Variants in PRIM1 observed in about 807,000 individuals in gnomAD.
PRIM1 encodes the protein DNA primase subunit 1.
Under a neutral mutation model 60.2 loss-of-function variants are expected in PRIM1, and 38 were observed. The ratio of observed to expected loss-of-function variants is 0.63; its 90% CI spans 0.49 to 0.83. PRIM1 has a LOEUF of 0.83. Ranked by LOEUF, PRIM1 falls within the 40% of genes least tolerant of loss-of-function variation. PRIM1 has a pLI of 0.00. For synonymous variants in PRIM1, 158 were observed against 160.2 expected (o/e 0.99, Z 0.10); for missense variants, 388 against 506.2 (o/e 0.77, Z 2.24).
chr12:56,749,661 G>A (rs929187011), intron 2 of PRIM1, among the ~76,000 whole-genome samples: 7 of 152,160 alleles, frequency 4.6e-5, no homozygotes, highest in South Asian at 2.1e-4. Context: ...GAAACCCTGG[G>A]TTTAAGTGCC....
At chr12:56,749,854 G>C (rs1260756212) in intron 2 of PRIM1, among the ~76,000 whole-genome samples, 1 of 152,178 alleles carries the variant, frequency 6.6e-6, no homozygotes, top group South Asian at 2.1e-4. Context: ...GTATATATTT[G>C]AGAAGGGGAA....
intron 6 of PRIM1, chr12:56,743,407 AC>A (rs1285068835): frequency 1.6e-5 from 3 of 186,334 alleles, no homozygotes; most frequent in Non-Finnish European, 3.3e-5. Context: ...ACACCATAAT[AC>A]ATCAGTAGTA....
intron 5 of PRIM1, among the ~76,000 whole-genome samples, chr12:56,745,239 T>G (rs1953898071): frequency 6.6e-6 from 1 of 151,978 alleles, no homozygotes; most frequent in African/African-American, 2.4e-5. Context: ...TAGTGAGACC[T>G]TGTTTCTGCA....
At chr12:56,739,396 G>T in intron 9 of PRIM1, 33 bp from the exon 10 acceptor site, 1 of 1,419,470 alleles carries the variant, frequency 7.0e-7, no homozygotes, top group Non-Finnish European at 9.6e-7. Context: ...ACTGATGATT[G>T]TGGACTATAA....
intron 9 of PRIM1, 24 bp from the exon 10 acceptor site, chr12:56,739,387 C>G (rs774009859): frequency 2.7e-6 from 4 of 1,473,982 alleles, no homozygotes; most frequent in Non-Finnish European, 3.7e-6. Flanking sequence ...AAGTTATAAA[C>G]TGATGATTGT....
Position 56,734,794 on chromosome 12 carries a change from A to AAT in PRIM1, c.1145-551_1145-550dup, listed in dbSNP as rs71081396. ...CTTTTATATTTATATATATATATAT[A>AAT]ATATATATACATATATTTTCTTTTT... is the stretch of plus-strand genomic sequence containing the variant. On this transcript the variant is annotated intron_variant, in intron 11 of 12. Coordinates refer to ENST00000338193, the MANE Select transcript of PRIM1 (RefSeq NM_000946.3). Among the ~76,000 whole-genome samples the AAT allele has an allele frequency of 2.1e-4, 29 of 141,250 alleles. 1 individual carries two copies. Among genetic ancestry groups the AAT allele is most frequent in the Middle Eastern group, 3.3e-3 (1 of 304 alleles). The allele number at this position is 141,250 out of a possible 152,430, so 92.7% of individuals were successfully genotyped here. A position where few individuals can be genotyped will look rare whatever the true frequency, so the allele number is the denominator to read the frequency against.
At chr12:56,741,646 A>G (rs1592333576) in intron 8 of PRIM1, 70 bp from the exon 9 acceptor site, 2 of 1,578,194 alleles carry the variant, frequency 1.3e-6, no homozygotes, top group African/African-American at 1.4e-5. Flanking sequence ...AGAAAGTTAA[A>G]AAAACGATCT....
chr12:56,733,787 C>CA (rs1249181153), intron 12 of PRIM1, among the ~76,000 whole-genome samples: 1 of 151,582 alleles, frequency 6.6e-6, no homozygotes, highest in African/African-American at 2.4e-5. Flanking sequence ...AACAGGGTTT[C>CA]ACCATGTTGG....
intron 11 of PRIM1, 46 bp from the exon 12 acceptor site, chr12:56,734,291 G>T: frequency 8.2e-7 from 1 of 1,214,332 alleles, no homozygotes; most frequent in South Asian, 1.4e-5. Flanking sequence ...CTGGCAGCAA[G>T]AATAACATGA....
At chr12:56,732,582 CA>C (rs1953791880) in intron 12 of PRIM1, among the ~76,000 whole-genome samples, 2 of 152,102 alleles carry the variant, frequency 1.3e-5, no homozygotes, top group South Asian at 4.1e-4. Flanking sequence ...AAACCAAGCC[CA>C]AACACATAAG....
In PRIM1 at chr12:56,739,289, C is replaced by G. The variant is rs974009203; in HGVS notation, c.1052+5G>C. 2.6e-6 allele frequency: 4 copies of G among 1,549,258 alleles called. No homozygotes were observed. Among genetic ancestry groups the G allele is most frequent in the Middle Eastern group, 3.4e-4 (2 of 5,890 alleles). On this transcript the variant is annotated splice_donor_5th_base_variant and intron_variant, in intron 10 of 12. Coordinates refer to ENST00000338193, the MANE Select transcript of PRIM1 (RefSeq NM_000946.3). ...ACAAGGAGTGATCAATGATCTGAAA[C>G]ATACCTTATGGTCGGAACAGTAAAT...
At chr12:56,746,227 C>T in intron 4 of PRIM1, 46 bp from the exon 5 acceptor site, 1 of 1,569,300 alleles carries the variant, frequency 6.4e-7, no homozygotes, top group South Asian at 1.1e-5. Flanking sequence ...TCTATAAACT[C>T]CTTAATTAAT....
intron 11 of PRIM1, among the ~76,000 whole-genome samples, chr12:56,738,051 A>AG (rs1295142068): frequency 6.6e-6 from 1 of 152,230 alleles, no homozygotes; most frequent in Non-Finnish European, 1.5e-5. Flanking sequence ...TGAATATACA[A>AG]CTTGGTAAAC....
chr12:56,750,398 A>G (rs1953937816), intron 2 of PRIM1, among the ~76,000 whole-genome samples: 1 of 152,164 alleles, frequency 6.6e-6, no homozygotes, highest in African/African-American at 2.4e-5. Flanking sequence ...TGTGAGAAAG[A>G]GAGGAATCAA....
rs1250866693 is a variant in PRIM1 at position 56,743,036 on chromosome 12, A to G, written c.699T>C (p.Ile233=). Residue 233 remains isoleucine, a synonymous_variant, in exon 7 of 13, where the codon ATT becomes ATC. Coordinates refer to ENST00000338193, the MANE Select transcript of PRIM1 (RefSeq NM_000946.3). Reference sequence around the variant, plus strand: ...TATCCCAGCTTTCTTTATTTTCGAGAATATCTTGATTAACCAAGGCATATT... The same window carrying G: ...TATCCCAGCTTTCTTTATTTTCGAGGATATCTTGATTAACCAAGGCATATT... ...FEEYALVNQD[I]LENKESWDKI... 6.5e-7 allele frequency: 1 copy of G among 1,543,088 alleles called. No individual in the cohort carries two copies. The highest frequency in any genetic ancestry group is 1.7e-4 in the Middle Eastern group (1 of 5,892).
In PRIM1 at chr12:56,746,782, C is replaced by T; in HGVS notation, c.441G>A (p.Lys147=). The T allele has an allele frequency of 6.2e-7, 1 of 1,613,760 alleles. No individual in the cohort carries two copies. The highest frequency in any genetic ancestry group is 8.5e-7 in the Non-Finnish European group (1 of 1,179,800). Residue 147 remains lysine, a splice_region_variant and synonymous_variant, in exon 4 of 13, where the codon AAG becomes AAA. Transcript: ENST00000338193. The part of the protein sequence containing the change: ...MAIRIIDRAL[K]EDFGFKHRLW... ...CATTCAGAAACTGCTGATACTTGCC[C>T]TTCAATGCTCTGTCAATGATGCGTA... is the stretch of plus-strand genomic sequence containing the variant.
chr12:56,741,299 T>G, intron 9 of PRIM1, 136 bp downstream of exon 9: 2 of 935,622 alleles, frequency 2.1e-6, no homozygotes, highest in East Asian at 5.5e-5. Context: ...TTAACTGACT[T>G]AGGTATTGGG....
intron 9 of PRIM1, among the ~76,000 whole-genome samples, chr12:56,740,471 T>A (rs1294879525): frequency 6.6e-6 from 1 of 152,080 alleles, no homozygotes; most frequent in Non-Finnish European, 1.5e-5. Flanking sequence ...ATATAGAATT[T>A]AACACATCTC....
At chr12:56,738,794 C>A (rs778637411) in intron 10 of PRIM1, among the ~76,000 whole-genome samples, 1 of 152,206 alleles carries the variant, frequency 6.6e-6, no homozygotes, top group Non-Finnish European at 1.5e-5. Flanking sequence ...TTGTGATCCA[C>A]GCGCTTTGCC....
Sources: gnomAD v4.1 joint callset for allele counts (sites outside exome capture counted in the v4.1 genomes callset) on GRCh38, gnomAD v4.1.1 for gene constraint, MANE v1.5 for transcripts, NCBI Gene and HGNC (gene_info 2026-07-23, HGNC 2026-07-21) for gene names.